PTPRO: variants seen among roughly 807,000 people sequenced by gnomAD.
PTPRO encodes receptor-type tyrosine-protein phosphatase O.
PTPRO carries 62 observed loss-of-function variants against 145.2 expected under a neutral mutation model. The observed-to-expected ratio is 0.43, with a 90% CI of 0.35 to 0.53. The LOEUF (loss-of-function observed/expected upper bound fraction) is 0.53, where lower values mean the gene tolerates loss of function less well. PTPRO is among the 20% of genes least tolerant of loss of function. PTPRO has a pLI of 0.01. For missense variants in PTPRO, 1,345 were observed against 1,482.7 expected (o/e 0.91, Z 1.53); for synonymous variants, 565 against 514.7 (o/e 1.10, Z -1.32).
At chr12:15,511,387 T>A (rs1942437270) in intron 7 of PTPRO, among the ~76,000 whole-genome samples, 1 of 152,174 alleles carries the variant, frequency 6.6e-6, no homozygotes, top group African/African-American at 2.4e-5. Context: ...TATTCAGAAA[T>A]TGGGGAGGAT....
intron 1 of PTPRO, among the ~76,000 whole-genome samples, chr12:15,343,275 AT>A (rs1867067781): frequency 6.6e-6 from 1 of 152,138 alleles, no homozygotes; most frequent in African/African-American, 2.4e-5. Context: ...CCATGTATTT[AT>A]TTCTAATTTC....
chr12:15,392,563 A>G (rs1397082804), intron 1 of PTPRO, among the ~76,000 whole-genome samples: 1 of 152,004 alleles, frequency 6.6e-6, no homozygotes, highest in East Asian at 1.9e-4. Flanking sequence ...TCTACTAAAA[A>G]TACAAAAATT....
intron 1 of PTPRO, among the ~76,000 whole-genome samples, chr12:15,400,254 G>A (rs926630551): frequency 6.6e-5 from 10 of 151,726 alleles, no homozygotes; most frequent in Non-Finnish European, 1.2e-4. Context: ...GCCTCCCAAC[G>A]TGCTGAGATT....
At chr12:15,426,882 G>A (rs575893105) in intron 1 of PTPRO, among the ~76,000 whole-genome samples, 1 of 151,870 alleles carries the variant, frequency 6.6e-6, no homozygotes, top group Non-Finnish European at 1.5e-5. Flanking sequence ...AATCCTAATG[G>A]GGTATTGACT....
intron 14 of PTPRO, 94 bp downstream of exon 14, chr12:15,549,320 C>A: frequency 1.9e-6 from 2 of 1,071,200 alleles, no homozygotes; most frequent in East Asian, 3.1e-5. Flanking sequence ...AAATCCCAAG[C>A]TTCGGAGTCA....
chr12:15,506,142 A>G (rs1942316322), intron 6 of PTPRO, among the ~76,000 whole-genome samples: 2 of 152,192 alleles, frequency 1.3e-5, no homozygotes. Context: ...CTATTAAATA[A>G]TTGAATTTGT....
intron 1 of PTPRO, among the ~76,000 whole-genome samples, chr12:15,332,877 TG>T (rs1472877360): frequency 1.3e-5 from 2 of 152,186 alleles, no homozygotes; most frequent in Non-Finnish European, 2.9e-5. Flanking sequence ...TAACTGCTCT[TG>T]CTCTCATGCA....
chr12:15,456,395 C>T (rs918531361), intron 1 of PTPRO, among the ~76,000 whole-genome samples: 2 of 152,086 alleles, frequency 1.3e-5, no homozygotes, highest in African/African-American at 2.4e-5. Context: ...AGGATTTTTG[C>T]ATCTATGTTT....
At chr12:15,376,509 A>G (rs1431552196) in intron 1 of PTPRO, among the ~76,000 whole-genome samples, 1 of 152,202 alleles carries the variant, frequency 6.6e-6, no homozygotes, top group Non-Finnish European at 1.5e-5. Context: ...GATTCACGTG[A>G]TGAAATACAG....
At chr12:15,580,179 A>G (rs1250319872) in intron 21 of PTPRO, 64 bp downstream of exon 21, 13 of 1,285,208 alleles carry the variant, frequency 1.0e-5, no homozygotes, top group African/African-American at 4.4e-5. Context: ...TAGCAGGGCT[A>G]TATGGATGTG....
intron 1 of PTPRO, among the ~76,000 whole-genome samples, chr12:15,389,182 C>T (rs968357035): frequency 2.7e-5 from 4 of 150,772 alleles, no homozygotes; most frequent in Non-Finnish European, 1.5e-5. Flanking sequence ...CGGCTCACTG[C>T]AAGCTCTGCC....
intron 1 of PTPRO, among the ~76,000 whole-genome samples, chr12:15,380,493 A>G (rs7978261): frequency 0.15 from 22,479 of 152,138 alleles, 3,756 homozygotes; most frequent in African/African-American, 0.41. Context: ...TCAAAGAATA[A>G]CAACTTATGT....
intron 1 of PTPRO, among the ~76,000 whole-genome samples, chr12:15,479,779 G>A (rs186874271): frequency 1.3e-5 from 2 of 152,294 alleles, no homozygotes; most frequent in Admixed American, 6.5e-5. Context: ...AGGCAGGGAG[G>A]TAGGGCACAT....
intron 1 of PTPRO, among the ~76,000 whole-genome samples, chr12:15,471,131 T>G (rs1365398895): frequency 6.6e-6 from 1 of 152,042 alleles, no homozygotes. Flanking sequence ...AAAGAATGTA[T>G]CTATTGGGAA....
intron 1 of PTPRO, among the ~76,000 whole-genome samples, chr12:15,471,034 A>G (rs2136415808): frequency 6.6e-6 from 1 of 152,250 alleles, no homozygotes; most frequent in East Asian, 1.9e-4. Context: ...TCACATGTAT[A>G]TTACCTGCCT....
At chr12:15,565,093 T>C (rs1359693399) in intron 17 of PTPRO, among the ~76,000 whole-genome samples, 3 of 152,208 alleles carry the variant, frequency 2.0e-5, no homozygotes, top group African/African-American at 4.8e-5. Flanking sequence ...AGTAGAATTA[T>C]ACAAGGTACA....
chr12:15,358,289 C>T (rs989032164), intron 1 of PTPRO, among the ~76,000 whole-genome samples: 93 of 149,058 alleles, frequency 6.2e-4, no homozygotes, highest in African/African-American at 2.0e-3. Flanking sequence ...TGCTAAATGA[C>T]GAGTTAATGG....
Position 15,551,689 on chromosome 12 carries a change from AAT to A in PTPRO, c.2558+21_2558+22del. On this transcript the variant is annotated intron_variant, in intron 15 of 26. Coordinates refer to ENST00000281171, the MANE Select transcript of PTPRO (RefSeq NM_030667.3). ...ATGGCTAGGTAAGTTAAGTTTTACT[AAT>A]ATTTTATCCGGAATCTTTAAAATAT... is the stretch of plus-strand genomic sequence containing the variant. 6.2e-7 allele frequency: 1 copy of A among 1,610,702 alleles called. No individual in the cohort carries two copies. Among genetic ancestry groups the A allele is most frequent in the East Asian group, 2.2e-5 (1 of 44,780 alleles).
At chr12:15,577,769 A>G (rs535756785) in intron 19 of PTPRO, among the ~76,000 whole-genome samples, 1 of 152,358 alleles carries the variant, frequency 6.6e-6, no homozygotes, top group South Asian at 2.1e-4. Flanking sequence ...GTATAGGAAT[A>G]TAACTAGATC....
Sources: allele counts gnomAD v4.1 joint callset (sites outside exome capture counted in the v4.1 genomes callset), GRCh38; gene constraint gnomAD v4.1.1; transcripts MANE v1.5; gene names NCBI Gene and HGNC (gene_info 2026-07-23, HGNC 2026-07-21).